The following RSPRY1 variants were observed in gnomAD, a reference collection of about 807,000 sequenced individuals.
RSPRY1 encodes ring finger and SPRY domain containing 1.
RSPRY1 carries 23 observed loss-of-function variants against 73.1 expected under a neutral mutation model. That is an observed-to-expected ratio of 0.31 (90% CI 0.23 to 0.45). The LOEUF is 0.45. RSPRY1 is among the 20% of genes least tolerant of loss of function. The probability of loss-of-function intolerance (pLI) is 1.00; values close to 1 mark genes in which losing one functional copy is unlikely to be tolerated. For missense variants in RSPRY1, 448 were observed against 698.7 expected (o/e 0.64, Z 4.05); for synonymous variants, 226 against 251.4 (o/e 0.90, Z 0.95).
intron 13 of RSPRY1, among the ~76,000 whole-genome samples, chr16:57,234,764 C>T (rs1175146894): frequency 2.0e-5 from 3 of 152,256 alleles, no homozygotes; most frequent in African/African-American, 7.2e-5. Context: ...CTTGAGAAAG[C>T]CTCTATGCTT....
chr16:57,188,156 A>G (rs1313703652), intron 1 of RSPRY1, among the ~76,000 whole-genome samples: 1 of 152,118 alleles, frequency 6.6e-6, no homozygotes, highest in Non-Finnish European at 1.5e-5. Flanking sequence ...TTGCTTTTAA[A>G]TTTCTCTTGC....
At chr16:57,187,401 C>G (rs917157793) in intron 1 of RSPRY1, among the ~76,000 whole-genome samples, 4 of 152,178 alleles carry the variant, frequency 2.6e-5, no homozygotes, top group African/African-American at 9.7e-5. Context: ...GGTTGCTCCC[C>G]CTGGAGTGTT....
intron 11 of RSPRY1, among the ~76,000 whole-genome samples, chr16:57,228,854 G>A (rs549007922): frequency 3.3e-5 from 5 of 152,088 alleles, no homozygotes; most frequent in Admixed American, 1.3e-4. Flanking sequence ...CACCACGCCC[G>A]GCTAATTTTT....
At chr16:57,221,483 T>G in intron 10 of RSPRY1, 68 bp downstream of exon 10, 1 of 1,450,710 alleles carries the variant, frequency 6.9e-7, no homozygotes, top group Non-Finnish European at 9.4e-7. Flanking sequence ...AGTTGGTGGG[T>G]GGAAAATACT....
intron 11 of RSPRY1, 92 bp from the exon 12 acceptor site, chr16:57,230,619 T>TA: frequency 1.4e-6 from 1 of 713,858 alleles, no homozygotes; most frequent in Non-Finnish European, 2.5e-6. Context: ...GATGCAGACT[T>TA]AATACAGTGC....
intron 12 of RSPRY1, 57 bp downstream of exon 12, chr16:57,230,870 T>C (rs1403755896): frequency 6.0e-6 from 6 of 1,005,080 alleles, no homozygotes; most frequent in Admixed American, 2.1e-5. Flanking sequence ...CCCTTTTCTC[T>C]AGGAAAAAAA....
In RSPRY1 at chr16:57,214,034, G is replaced by A. The variant is rs567963069; in HGVS notation, c.702+88G>A. The A allele has an allele frequency of 1.3e-5, 11 of 870,146 alleles. No homozygotes were observed. The Admixed American group carries it at 2.0e-4, about 16-fold the overall frequency. 53.9% of individuals were successfully genotyped at this position (870,146 alleles called of 1,614,324 possible). On this transcript the variant is annotated intron_variant, in intron 6 of 14. Transcript: ENST00000394420. Reference sequence around the variant, plus strand: ...TGCATTTTCTCAAATTGCTGGCATAGCCACTGGCACAGAGAATGGAATCAA... The same window carrying A: ...TGCATTTTCTCAAATTGCTGGCATAACCACTGGCACAGAGAATGGAATCAA...
chr16:57,192,219 A>G (rs565550069), intron 1 of RSPRY1, among the ~76,000 whole-genome samples: 24 of 152,310 alleles, frequency 1.6e-4, no homozygotes, highest in African/African-American at 5.3e-4. Flanking sequence ...CATGCTGCTT[A>G]TATATTTTAT....
chr16:57,236,238 A>T (rs1486216390), intron 14 of RSPRY1, among the ~76,000 whole-genome samples: 1 of 152,160 alleles, frequency 6.6e-6, no homozygotes, highest in Non-Finnish European at 1.5e-5. Context: ...AAACAGCTGG[A>T]TCTGGTCTTA....
chr16:57,238,897 T>C lies in RSPRY1; in HGVS notation c.1653T>C (p.Cys551=), dbSNP rs1201476106. The change falls in exon 15 of 15, where the codon TGT becomes TGC. Residue 551 remains cysteine, a synonymous_variant. Transcript: ENST00000394420. ...TCCCCAGTGACCTGTGCATGGATTGTGCCTTGCAGCTGGAGACCTGCCCAT... is the reference window on the plus strand; with the variant it reads ...TCCCCAGTGACCTGTGCATGGATTGCGCCTTGCAGCTGGAGACCTGCCCAT... ...PCGHSDLCMD[C]ALQLETCPLC... 6.2e-7 allele frequency: 1 copy of C among 1,606,718 alleles called. No individual in the cohort carries two copies. The highest frequency in any genetic ancestry group is 8.5e-7 in the Non-Finnish European group (1 of 1,176,244).
chr16:57,220,875 T>C (rs1418997074), intron 9 of RSPRY1, 28 bp downstream of exon 9: 1 of 1,469,470 alleles, frequency 6.8e-7, no homozygotes, highest in South Asian at 1.1e-5. Context: ...AGTTGGACCC[T>C]TTGGGGGATG....
chr16:57,198,588 A>G (rs2074497809), intron 1 of RSPRY1, among the ~76,000 whole-genome samples: 1 of 152,214 alleles, frequency 6.6e-6, no homozygotes. Flanking sequence ...TTGTAACTTT[A>G]TAGGCTCCCC....
intron 10 of RSPRY1, among the ~76,000 whole-genome samples, chr16:57,224,252 C>T: frequency 6.6e-6 from 1 of 152,184 alleles, no homozygotes; most frequent in Non-Finnish European, 1.5e-5. Flanking sequence ...GTCACTTGCA[C>T]CATACTGAGT....
At chr16:57,206,197 A>G (rs2074721842) in intron 2 of RSPRY1, among the ~76,000 whole-genome samples, 1 of 152,202 alleles carries the variant, frequency 6.6e-6, no homozygotes. Context: ...GGAGGCCAGG[A>G]GTTCAAGACC....
At chr16:57,210,451 C>G (rs1397127208) in intron 4 of RSPRY1, among the ~76,000 whole-genome samples, 1 of 151,932 alleles carries the variant, frequency 6.6e-6, no homozygotes, top group African/African-American at 2.4e-5. Flanking sequence ...GCCTGTAATC[C>G]TAGCACTTTG....
At chr16:57,212,898 CAA>C in intron 4 of RSPRY1, 72 bp from the exon 5 acceptor site, 13 of 1,293,880 alleles carry the variant, frequency 1.0e-5, no homozygotes, top group East Asian at 8.3e-5. Flanking sequence ...GCTTTTGTCT[CAA>C]AAAAAAAATG....
chr16:57,218,621 C>T (rs146132626), intron 8 of RSPRY1, among the ~76,000 whole-genome samples: 1,715 of 149,596 alleles, frequency 0.011, 12 homozygotes, highest in Non-Finnish European at 0.019. Context: ...TTTCACTTAA[C>T]ATCATATCCT....
At chr16:57,193,167 C>T (rs1199246339) in intron 1 of RSPRY1, among the ~76,000 whole-genome samples, 1 of 152,182 alleles carries the variant, frequency 6.6e-6, no homozygotes, top group Non-Finnish European at 1.5e-5. Context: ...CTCTGTGTGA[C>T]CTAAACCTAC....
intron 1 of RSPRY1, among the ~76,000 whole-genome samples, chr16:57,191,024 A>T (rs1009375886): frequency 1.8e-4 from 27 of 152,238 alleles, no homozygotes; most frequent in Admixed American, 3.3e-4. Context: ...TGAACTCTGC[A>T]CATAGCTTTC....
Sources: gnomAD v4.1 joint callset for allele counts (sites outside exome capture counted in the v4.1 genomes callset) on GRCh38, gnomAD v4.1.1 for gene constraint, MANE v1.5 for transcripts, NCBI Gene and HGNC (gene_info 2026-07-23, HGNC 2026-07-21) for gene names.